The following REDIC1 variants were observed in gnomAD, a reference collection of about 807,000 sequenced individuals.
REDIC1 encodes regulator of DNA class I crossover intermediates 1.
the REDIC1 span, among the ~76,000 whole-genome samples, chr12:39,887,598 T>C: frequency 0.013 from 1,933 of 152,310 alleles, 30 homozygotes; most frequent in African/African-American, 0.044. Flanking sequence ...AGGAGTTTTT[T>C]TAAGCACCAG....
At chr12:39,851,392 TA>T in the REDIC1 span, among the ~76,000 whole-genome samples, 5 of 152,214 alleles carry the variant, frequency 3.3e-5, no homozygotes, top group Non-Finnish European at 7.4e-5. Flanking sequence ...GAATGAGAAT[TA>T]AAAAATGCAT....
the REDIC1 span, among the ~76,000 whole-genome samples, chr12:39,775,139 A>G: frequency 6.6e-6 from 1 of 152,188 alleles, no homozygotes; most frequent in Admixed American, 6.5e-5. Flanking sequence ...AGATTAACAT[A>G]GATAGAGAAT....
the REDIC1 span, among the ~76,000 whole-genome samples, chr12:39,886,901 A>G: frequency 6.6e-6 from 1 of 152,210 alleles, no homozygotes; most frequent in South Asian, 2.1e-4. Context: ...AATGCCAAGT[A>G]GTGTCCAGAT....
At chr12:39,660,912 A>G in the REDIC1 span, among the ~76,000 whole-genome samples, 1 of 152,054 alleles carries the variant, frequency 6.6e-6, no homozygotes, top group African/African-American at 2.4e-5. Context: ...GAGTGAGTAC[A>G]TGTGCTATTT....
chr12:39,697,735 C>T, the REDIC1 span, among the ~76,000 whole-genome samples: 1 of 151,896 alleles, frequency 6.6e-6, no homozygotes. Flanking sequence ...TTATGAAAAA[C>T]TCAAACCCAA....
the REDIC1 span, among the ~76,000 whole-genome samples, chr12:39,733,186 G>A: frequency 1.3e-5 from 2 of 151,950 alleles, no homozygotes; most frequent in South Asian, 2.1e-4. Context: ...TTTATTTTAG[G>A]ATAATTTTAG....
chr12:39,649,455 A>G, the REDIC1 span, among the ~76,000 whole-genome samples: 1 of 151,854 alleles, frequency 6.6e-6, no homozygotes, highest in African/African-American at 2.4e-5. Flanking sequence ...TTTAAGGGAT[A>G]AAGTTTTGCA....
the REDIC1 span, among the ~76,000 whole-genome samples, chr12:39,681,764 C>T: frequency 6.6e-6 from 1 of 152,056 alleles, no homozygotes; most frequent in African/African-American, 2.4e-5. Flanking sequence ...CAATATATGG[C>T]CTAGTACCTG....
chr12:39,767,108 A>G, the REDIC1 span, among the ~76,000 whole-genome samples: 1 of 152,204 alleles, frequency 6.6e-6, no homozygotes, highest in East Asian at 1.9e-4. Flanking sequence ...ATCACTATCT[A>G]TGGCAGCTAT....
At chr12:39,634,227 CTGTT>C in the REDIC1 span, among the ~76,000 whole-genome samples, 1 of 152,040 alleles carries the variant, frequency 6.6e-6, no homozygotes, top group Non-Finnish European at 1.5e-5. Flanking sequence ...ATTTGGCTCT[CTGTT>C]TGTCTATTAT....
the REDIC1 span, among the ~76,000 whole-genome samples, chr12:39,732,570 AC>A: frequency 8.5e-5 from 13 of 152,156 alleles, no homozygotes; most frequent in Non-Finnish European, 1.5e-5. Flanking sequence ...GTACAAAAAT[AC>A]CCCCTCCTCC....
chr12:39,736,036 G>C, the REDIC1 span, among the ~76,000 whole-genome samples: 7 of 152,272 alleles, frequency 4.6e-5, no homozygotes, highest in Admixed American at 3.9e-4. Flanking sequence ...AAGTAATACT[G>C]GTAGGAAGCA....
At chr12:39,685,547 C>T in the REDIC1 span, among the ~76,000 whole-genome samples, 1 of 152,130 alleles carries the variant, frequency 6.6e-6, no homozygotes, top group Non-Finnish European at 1.5e-5. Context: ...GATCCAGTCA[C>T]CTCCCACCAA....
At chr12:39,900,777 A>C in the REDIC1 span, among the ~76,000 whole-genome samples, 1 of 152,236 alleles carries the variant, frequency 6.6e-6, no homozygotes, top group Non-Finnish European at 1.5e-5. Context: ...GGTAATTTAT[A>C]GATTCAATGC....
At chr12:39,829,937 A>C in the REDIC1 span, 1 of 851,454 alleles carries the variant, frequency 1.2e-6, no homozygotes, top group Non-Finnish European at 1.8e-6. Flanking sequence ...TGAAACACAC[A>C]ATTGCAATGC....
the REDIC1 span, among the ~76,000 whole-genome samples, chr12:39,742,513 C>G: frequency 6.6e-6 from 1 of 151,898 alleles, no homozygotes; most frequent in African/African-American, 2.4e-5. Context: ...TTATCTTGAC[C>G]AGGTGTCAAG....
At chr12:39,736,183 G>T in the REDIC1 span, among the ~76,000 whole-genome samples, 1 of 152,228 alleles carries the variant, frequency 6.6e-6, no homozygotes, top group Non-Finnish European at 1.5e-5. Flanking sequence ...GCTGACCTGA[G>T]TCAAGGAGCC....
chr12:39,663,596 T>C, the REDIC1 span, among the ~76,000 whole-genome samples: 59 of 152,088 alleles, frequency 3.9e-4, no homozygotes, highest in Non-Finnish European at 6.8e-4. Flanking sequence ...ACTCTTGATA[T>C]GTGAGGACTG....
the REDIC1 span, chr12:39,643,958 A>T: frequency 9.3e-5 from 130 of 1,395,932 alleles, no homozygotes; most frequent in African/African-American, 1.7e-3. Flanking sequence ...ACTTGATGTG[A>T]TCATAATAAT....
Sources: allele counts gnomAD v4.1 joint callset (sites outside exome capture counted in the v4.1 genomes callset), GRCh38; gene constraint gnomAD v4.1.1; transcripts MANE v1.5; gene names NCBI Gene and HGNC (gene_info 2026-07-23, HGNC 2026-07-21).